Variants in CHD1L observed in about 807,000 individuals in gnomAD.
CHD1L encodes the protein ATP-dependent chromatin remodeler CHD1L.
Under a neutral mutation model 115.9 loss-of-function variants are expected in CHD1L, and 118 were observed. The observed-to-expected ratio is 1.02, with a 90% CI of 0.88 to 1.19. The LOEUF (loss-of-function observed/expected upper bound fraction) is 1.19. CHD1L is among the 50% of genes most tolerant of loss of function. The pLI is 0.00. For synonymous variants in CHD1L, 411 were observed against 387.1 expected (o/e 1.06, Z -0.72); for missense variants, 1,179 against 1,065.3 (o/e 1.11, Z -1.49).
intron 14 of CHD1L, among the ~76,000 whole-genome samples, chr1:147,279,160 A>G (rs782544139): frequency 6.6e-6 from 1 of 152,172 alleles, no homozygotes; most frequent in African/African-American, 2.4e-5. Flanking sequence ...TGTTTCTTCA[A>G]GCTGTTACAG....
chr1:147,204,806 T>C, the CHD1L span: 1 of 1,601,804 alleles, frequency 6.2e-7, no homozygotes, highest in Non-Finnish European at 8.6e-7. Flanking sequence ...GCTGTACGAG[T>C]GGTTTGGGCA....
At chr1:147,201,301 A>G in the CHD1L span, 1 of 1,614,156 alleles carries the variant, frequency 6.2e-7, no homozygotes, top group Non-Finnish European at 8.5e-7. Context: ...GTTTTTGACC[A>G]CTTTGACGGA....
chr1:147,270,551 C>T (rs891011033), intron 10 of CHD1L, among the ~76,000 whole-genome samples: 11 of 151,644 alleles, frequency 7.3e-5, no homozygotes, highest in Admixed American at 3.9e-4. Context: ...TTGAATTTTG[C>T]ATTTTACTCT....
chr1:147,217,407 T>A, the CHD1L span, among the ~76,000 whole-genome samples: 2 of 152,324 alleles, frequency 1.3e-5, no homozygotes, highest in South Asian at 4.1e-4. Context: ...TTGTTTTGAC[T>A]ATGGAAAATC....
the CHD1L span, among the ~76,000 whole-genome samples, chr1:147,231,970 T>G: frequency 6.6e-6 from 1 of 152,238 alleles, no homozygotes; most frequent in Non-Finnish European, 1.5e-5. Context: ...CCCAGTGAGA[T>G]GAACCCAGTA....
chr1:147,226,752 T>G, the CHD1L span, among the ~76,000 whole-genome samples: 1 of 152,196 alleles, frequency 6.6e-6, no homozygotes, highest in African/African-American at 2.4e-5. Context: ...GCAACTGATA[T>G]TTTGTTTGTG....
chr1:147,228,139 C>T, the CHD1L span, among the ~76,000 whole-genome samples: 1 of 152,030 alleles, frequency 6.6e-6, no homozygotes, highest in Non-Finnish European at 1.5e-5. Flanking sequence ...AGGTATATCT[C>T]CTAATGCTAT....
At chr1:147,254,697 T>A (rs375797774) in intron 2 of CHD1L, among the ~76,000 whole-genome samples, 173 bp from the exon 3 acceptor site, 1 of 152,222 alleles carries the variant, frequency 6.6e-6, no homozygotes, top group East Asian at 1.9e-4. Context: ...GAGGCTTACA[T>A]GATTTCGCTC....
chr1:147,235,123 ATGTG>A, the CHD1L span, among the ~76,000 whole-genome samples: 2 of 89,016 alleles, frequency 2.2e-5, no homozygotes, highest in Non-Finnish European at 4.5e-5. Context: ...GTGTGTGTGT[ATGTG>A]TGTGTGTATT....
At chr1:147,259,703 T>C (rs1032275970) in intron 5 of CHD1L, 134 bp from the exon 6 acceptor site, 2 of 693,362 alleles carry the variant, frequency 2.9e-6, no homozygotes, top group Non-Finnish European at 5.0e-6. Flanking sequence ...GGAAGGTAAT[T>C]TGGTGGCATT....
intron 9 of CHD1L, among the ~76,000 whole-genome samples, chr1:147,268,440 G>A (rs1674828980): frequency 6.6e-6 from 1 of 152,086 alleles, no homozygotes; most frequent in Non-Finnish European, 1.5e-5. Flanking sequence ...TAAGAGGAGG[G>A]GGTGTTGGGA....
chr1:147,287,957 C>T (rs919491565), intron 19 of CHD1L, among the ~76,000 whole-genome samples: 3 of 152,108 alleles, frequency 2.0e-5, no homozygotes, highest in Non-Finnish European at 4.4e-5. Flanking sequence ...ACTTGTTCTG[C>T]CTACTTCATA....
rs587749345 is a variant in CHD1L, at chr1:147,256,421, A to G, written c.463-110A>G. ...AGAACTTTTTTTTACTTAGTGAACAAATGAGACTTAGATAAATCCTATAGT... is the reference window on the plus strand; with the variant it reads ...AGAACTTTTTTTTACTTAGTGAACAGATGAGACTTAGATAAATCCTATAGT... On this transcript the variant is annotated intron_variant, in intron 4 of 22. Transcript: ENST00000369258. 1.2e-4 allele frequency: 118 copies of G among 967,732 alleles called. 1 individual carries two copies. The South Asian group carries it at 1.8e-3, about 14-fold the overall frequency. 59.9% of individuals were successfully genotyped at this position (967,732 alleles called of 1,614,324 possible). A position where few individuals can be genotyped will look rare whatever the true frequency, so the allele number is the denominator to read the frequency against.
the CHD1L span, among the ~76,000 whole-genome samples, chr1:147,196,533 T>C: frequency 6.6e-6 from 1 of 151,984 alleles, no homozygotes; most frequent in Non-Finnish European, 1.5e-5. Flanking sequence ...TATCTGTCTA[T>C]ATATAGATAG....
chr1:147,204,372 G>A, the CHD1L span: 19 of 1,033,238 alleles, frequency 1.8e-5, no homozygotes, highest in African/African-American at 4.7e-5. Flanking sequence ...AAATAGATAC[G>A]CATGCCTGAA....
chr1:147,241,901 GT>G (rs1237918561), upstream of CHD1L, among the ~76,000 whole-genome samples: 1 of 152,166 alleles, frequency 6.6e-6, no homozygotes, highest in Non-Finnish European at 1.5e-5. Context: ...CATTTACAAT[GT>G]GGGGACAATT....
At chr1:147,280,710 C>G (rs945555797) in intron 15 of CHD1L, among the ~76,000 whole-genome samples, 5 of 152,084 alleles carry the variant, frequency 3.3e-5, no homozygotes, top group African/African-American at 9.7e-5. Context: ...AATTTTCTTT[C>G]CTGAATTTGG....
At chr1:147,247,424 GGTT>G (rs1553934347) in intron 1 of CHD1L, among the ~76,000 whole-genome samples, 1 of 152,072 alleles carries the variant, frequency 6.6e-6, no homozygotes, top group Non-Finnish European at 1.5e-5. Context: ...CCAGAAAGCT[GGTT>G]GTTAAAAAGA....
rs781857072 is a variant in CHD1L, at chr1:147,259,852, T to G, written c.510T>G (p.Val170=). 6.2e-7 allele frequency: 1 copy of G among 1,613,848 alleles called. No individual in the cohort carries two copies. Among genetic ancestry groups the G allele is most frequent in the Non-Finnish European group, 8.5e-7 (1 of 1,179,776 alleles). The change falls in exon 6 of 23, where the codon GTT becomes GTG. Residue 170 remains valine, a synonymous_variant. Coordinates refer to ENST00000369258, the MANE Select transcript of CHD1L (RefSeq NM_004284.6). ...ASFLKSFPWS[V]LVVDEAHRLK... Reference sequence around the variant, plus strand: ...TCTCTCACAGATTCCCTTGGAGTGTTCTTGTTGTGGATGAAGCTCACAGGT... The same window carrying G: ...TCTCTCACAGATTCCCTTGGAGTGTGCTTGTTGTGGATGAAGCTCACAGGT...
Sources: allele counts gnomAD v4.1 joint callset (sites outside exome capture counted in the v4.1 genomes callset), GRCh38; gene constraint gnomAD v4.1.1; transcripts MANE v1.5; gene names NCBI Gene and HGNC (gene_info 2026-07-23, HGNC 2026-07-21).